Variants in CRPPA observed in about 807,000 individuals in gnomAD.
CRPPA encodes the protein CDP-L-ribitol pyrophosphorylase A.
A neutral mutation model predicts 52.0 loss-of-function variants in CRPPA; 43 were observed. The observed-to-expected ratio is 0.83, with a 90% confidence interval of 0.65 to 1.07. The LOEUF (loss-of-function observed/expected upper bound fraction) is 1.07. CRPPA is among the 50% of genes least tolerant of loss of function. CRPPA has a pLI of 0.00. For missense variants in CRPPA, 629 were observed against 551.7 expected, an observed-to-expected ratio of 1.14 and a Z score of -1.40; for synonymous variants, 250 against 203.5, an observed-to-expected ratio of 1.23 and a Z score of -1.94.
At chr7:16,195,571 T>C (rs1562550575) in intron 9 of CRPPA, among the ~76,000 whole-genome samples, 1 of 151,206 alleles carries the variant, frequency 6.6e-6, no homozygotes, top group Non-Finnish European at 1.5e-5. Context: ...GGCCAGAAGA[T>C]AGAGTCTAAG....
At chr7:16,390,929 C>G (rs902897901) in intron 2 of CRPPA, among the ~76,000 whole-genome samples, 1 of 152,090 alleles carries the variant, frequency 6.6e-6, no homozygotes, top group Non-Finnish European at 1.5e-5. Flanking sequence ...AGTTCAGGAG[C>G]CTAGTCGAAG....
chr7:16,313,777 A>C (rs1400786184), intron 3 of CRPPA, among the ~76,000 whole-genome samples: 1 of 151,902 alleles, frequency 6.6e-6, no homozygotes, highest in Admixed American at 6.6e-5. Flanking sequence ...GTTATTTAAG[A>C]GTATGTTGTT....
At chr7:16,327,240 T>A (rs1785420393) in intron 3 of CRPPA, among the ~76,000 whole-genome samples, 1 of 152,090 alleles carries the variant, frequency 6.6e-6, no homozygotes, top group Non-Finnish European at 1.5e-5. Flanking sequence ...TAAAAAAAGC[T>A]AAGGAACATG....
rs1007380164 is a variant in CRPPA at position 16,088,229 on chromosome 7, G to A, written c.*3466C>T. ...CATTTAACTAACTAGCGTAAGTTTAGAAAGAAAACCATTTTGCAACAAAAT... is the reference window on the plus strand; with the variant it reads ...CATTTAACTAACTAGCGTAAGTTTAAAAAGAAAACCATTTTGCAACAAAAT... On this transcript the variant is annotated 3_prime_UTR_variant, in exon 10 of 10. Coordinates refer to ENST00000407010, the MANE Select transcript of CRPPA (RefSeq NM_001101426.4). 22 of 152,026 alleles carry A rather than the reference G, an allele frequency of 1.4e-4. No individual in the cohort carries two copies. The highest frequency in any genetic ancestry group is 5.3e-4 in the African/African-American group (22 of 41,380). The allele number at this position is 152,026 out of a possible 1,614,324, so 9.4% of individuals were successfully genotyped here.
At chr7:16,188,303 A>G (rs1781544902) in intron 9 of CRPPA, among the ~76,000 whole-genome samples, 1 of 152,106 alleles carries the variant, frequency 6.6e-6, no homozygotes, top group Admixed American at 6.6e-5. Flanking sequence ...TAGTCAGAAC[A>G]ACGAGAACAA....
chr7:16,267,161 TTTCA>T (rs1383594519), intron 6 of CRPPA, among the ~76,000 whole-genome samples: 2 of 152,198 alleles, frequency 1.3e-5, no homozygotes, highest in Non-Finnish European at 2.9e-5. Context: ...ATTAATATAA[TTTCA>T]TTCATTTGAC....
At chr7:16,167,979 C>A (rs1781102349) in intron 9 of CRPPA, among the ~76,000 whole-genome samples, 1 of 152,170 alleles carries the variant, frequency 6.6e-6, no homozygotes, top group Non-Finnish European at 1.5e-5. Context: ...ATACTTGTTA[C>A]TGAATATTTT....
intron 3 of CRPPA, among the ~76,000 whole-genome samples, chr7:16,360,487 G>A (rs949529438): frequency 4.6e-5 from 7 of 152,168 alleles, no homozygotes; most frequent in Middle Eastern, 3.4e-3. Flanking sequence ...CACACTAATC[G>A]AAACAGTGTA....
intron 9 of CRPPA, among the ~76,000 whole-genome samples, chr7:16,162,971 C>T (rs374118603): frequency 6.4e-5 from 8 of 125,894 alleles, no homozygotes; most frequent in Non-Finnish European, 8.8e-5. Flanking sequence ...CTTTTTCTTT[C>T]TCTTTTTTTT....
intron 9 of CRPPA, among the ~76,000 whole-genome samples, chr7:16,174,850 C>T (rs1412634170): frequency 6.6e-6 from 1 of 152,132 alleles, no homozygotes; most frequent in East Asian, 1.9e-4. Context: ...CAGCAAAGAG[C>T]TCAATTTAAG....
intron 2 of CRPPA, among the ~76,000 whole-genome samples, chr7:16,378,529 GT>G (rs1355334329): frequency 5.9e-5 from 9 of 151,880 alleles, no homozygotes; most frequent in Non-Finnish European, 1.3e-4. Context: ...ATTTGGGTTG[GT>G]TCCAAGTATT....
chr7:16,313,773 T>C (rs1330081330), intron 3 of CRPPA, among the ~76,000 whole-genome samples: 4 of 152,030 alleles, frequency 2.6e-5, no homozygotes, highest in Non-Finnish European at 4.4e-5. Flanking sequence ...GTGTGTTATT[T>C]AAGAGTATGT....
chr7:16,286,062 T>TTTAAAAAAAAAAA lies in CRPPA; in HGVS notation c.836-7837_836-7836insTTTTTTTTTTTAA, dbSNP rs1562608492. Among the ~76,000 whole-genome samples the TTTAAAAAAAAAAA allele has an allele frequency of 4.0e-4, 13 of 32,362 alleles. 3 individuals carry two copies. Among genetic ancestry groups the TTTAAAAAAAAAAA allele is most frequent in the Non-Finnish European group, 6.4e-4 (12 of 18,878 alleles). The allele number at this position is 32,362 out of a possible 152,430, so 21.2% of individuals were successfully genotyped here. ...AAATATAAATATATATATATATATA[T>TTTAAAAAAAAAAA]ATATATATATATATATATAATATTT... is the stretch of plus-strand genomic sequence containing the variant. On this transcript the variant is annotated intron_variant, in intron 5 of 9. Transcript: ENST00000407010.
At chr7:16,237,525 G>A (rs1259930333) in intron 8 of CRPPA, 2 of 152,062 alleles carry the variant, frequency 1.3e-5, no homozygotes, top group Admixed American at 1.3e-4. Context: ...CCATCATTAT[G>A]GGGGTTAACC....
At chr7:16,306,199 T>G (rs946353883) in intron 4 of CRPPA, among the ~76,000 whole-genome samples, 2 of 152,204 alleles carry the variant, frequency 1.3e-5, no homozygotes, top group Non-Finnish European at 2.9e-5. Context: ...GCAAAGACAC[T>G]ATTTCCAAAT....
intron 3 of CRPPA, among the ~76,000 whole-genome samples, chr7:16,354,120 A>C (rs918111986): frequency 1.5e-4 from 23 of 152,212 alleles, no homozygotes; most frequent in South Asian, 4.1e-4. Context: ...TCCTACTGAA[A>C]ATAACACTGT....
At chr7:16,186,500 T>C (rs1781507340) in intron 9 of CRPPA, among the ~76,000 whole-genome samples, 1 of 152,176 alleles carries the variant, frequency 6.6e-6, no homozygotes, top group African/African-American at 2.4e-5. Flanking sequence ...TTTCTGCTGT[T>C]TATAAGCCAC....
At chr7:16,208,113 C>T (rs907080830) in intron 9 of CRPPA, among the ~76,000 whole-genome samples, 31 of 152,158 alleles carry the variant, frequency 2.0e-4, no homozygotes, top group Non-Finnish European at 5.9e-5. Context: ...ACTGACTTCA[C>T]TAACCTGAAT....
At chr7:16,138,259 T>G (rs952175125) in intron 9 of CRPPA, among the ~76,000 whole-genome samples, 9 of 152,186 alleles carry the variant, frequency 5.9e-5, no homozygotes, top group Admixed American at 4.6e-4. Context: ...GGTAGAACAA[T>G]TGATTTACAG....
Sources: allele counts gnomAD v4.1 joint callset (sites outside exome capture counted in the v4.1 genomes callset), GRCh38; gene constraint gnomAD v4.1.1; transcripts MANE v1.5; gene names NCBI Gene and HGNC (gene_info 2026-07-23, HGNC 2026-07-21).